DNAH11: variants seen among roughly 807,000 people sequenced by gnomAD.
DNAH11 encodes dynein axonemal heavy chain 11.
In DNAH11, 442 loss-of-function variants were observed where a neutral mutation model predicts 526.0. That is an observed-to-expected ratio of 0.84 (90% CI 0.78 to 0.91). The LOEUF (loss-of-function observed/expected upper bound fraction) is 0.91. Ranked by LOEUF, DNAH11 falls within the 40% of genes least tolerant of loss-of-function variation. The probability of loss-of-function intolerance (pLI) is 0.00; values close to 1 mark genes in which losing one functional copy is unlikely to be tolerated. For missense variants in DNAH11, 6,989 were observed against 5,448.7 expected (o/e 1.28, Z -8.90); for synonymous variants, 2,461 against 1,935.9 (o/e 1.27, Z -7.12).
chr7:21,696,933 A>T (rs1783877347), intron 35 of DNAH11, among the ~76,000 whole-genome samples: 1 of 152,204 alleles, frequency 6.6e-6, no homozygotes, highest in Non-Finnish European at 1.5e-5. Context: ...ATACATAGAT[A>T]TGCTAGTCTT....
intron 62 of DNAH11, among the ~76,000 whole-genome samples, chr7:21,803,519 G>C (rs770884691): frequency 6.6e-4 from 101 of 151,966 alleles, no homozygotes; most frequent in Non-Finnish European, 1.3e-3. Flanking sequence ...TGTTTTTCTG[G>C]AAATGTCTCT....
chr7:21,774,113 TAC>T (rs1787558239), intron 56 of DNAH11, 114 bp downstream of exon 56: 1 of 988,796 alleles, frequency 1.0e-6, no homozygotes, highest in Admixed American at 2.9e-5. Context: ...TGGTGAAATT[TAC>T]AGTTTCATGA....
chr7:21,900,762 TA>T, intron 81 of DNAH11: 1 of 394,310 alleles, frequency 2.5e-6, no homozygotes. Flanking sequence ...TCCCATTTCA[TA>T]AAATCAGCTT....
In DNAH11 at chr7:21,873,235, C is replaced by T. The variant is rs772235221; in HGVS notation, c.11968-39C>T. On this transcript the variant is annotated intron_variant, in intron 73 of 81. Transcript: ENST00000409508. ...TAATCTTATAATTCAAGTAATATGC[C>T]TCACCTTCACAGGAATTATGCACCA... 13 of 1,456,818 alleles carry T rather than the reference C, an allele frequency of 8.9e-6. No homozygotes were observed. In the South Asian group the frequency reaches 1.6e-4, roughly 18 times the overall value. 90.2% of individuals were successfully genotyped at this position (1,456,818 alleles called of 1,614,324 possible).
intron 20 of DNAH11, among the ~76,000 whole-genome samples, chr7:21,607,965 T>A (rs1785367478): frequency 6.8e-6 from 1 of 147,434 alleles, no homozygotes; most frequent in Admixed American, 6.8e-5. Flanking sequence ...AAAAAAGGCT[T>A]GTATAATTAA....
chr7:21,559,564 A>T (rs746865163), intron 3 of DNAH11, 39 bp from the exon 4 acceptor site: 1 of 1,473,612 alleles, frequency 6.8e-7, no homozygotes, highest in Non-Finnish European at 9.2e-7. Context: ...GGATAAAATG[A>T]TTCATCTTTG....
At chr7:21,856,091 G>A (rs1215007730) in intron 68 of DNAH11, among the ~76,000 whole-genome samples, 1 of 152,162 alleles carries the variant, frequency 6.6e-6, no homozygotes. Context: ...TGGCTGCAGG[G>A]TAATGAGCAA....
At chr7:21,874,291 A>C (rs532740976) in intron 74 of DNAH11, among the ~76,000 whole-genome samples, 1 of 151,448 alleles carries the variant, frequency 6.6e-6, no homozygotes, top group East Asian at 1.9e-4. Flanking sequence ...TTATATGTTC[A>C]TGTTTTTCCA....
At chr7:21,844,923 G>C (rs557148840) in intron 66 of DNAH11, among the ~76,000 whole-genome samples, 1 of 152,326 alleles carries the variant, frequency 6.6e-6, no homozygotes, top group Non-Finnish European at 1.5e-5. Context: ...ACATTCAGTG[G>C]AACTGCAACA....
intron 28 of DNAH11, among the ~76,000 whole-genome samples, chr7:21,652,488 T>C (rs1781823757): frequency 6.6e-6 from 1 of 152,250 alleles, no homozygotes. Flanking sequence ...TTAAGTTTTC[T>C]GCAACGAAGA....
At chr7:21,894,853 T>C in intron 78 of DNAH11, 31 bp from the exon 79 acceptor site, 1 of 1,613,134 alleles carries the variant, frequency 6.2e-7, no homozygotes, top group South Asian at 1.1e-5. Flanking sequence ...TTGGAAGATA[T>C]TCACTGTGTG....
chr7:21,891,938 T>C (rs901277696), intron 76 of DNAH11, among the ~76,000 whole-genome samples: 1 of 152,204 alleles, frequency 6.6e-6, no homozygotes, highest in Non-Finnish European at 1.5e-5. Context: ...TATAAAATGA[T>C]GTGATGCAGT....
chr7:21,887,932 A>G (rs1250248258), intron 76 of DNAH11, among the ~76,000 whole-genome samples: 1 of 152,194 alleles, frequency 6.6e-6, no homozygotes, highest in South Asian at 2.1e-4. Flanking sequence ...CTTTCTCTGC[A>G]CCATACTGCC....
chr7:21,671,712 C>T (rs545140124), intron 30 of DNAH11, among the ~76,000 whole-genome samples: 4 of 151,930 alleles, frequency 2.6e-5, no homozygotes, highest in African/African-American at 9.7e-5. Context: ...TTAATTTGTT[C>T]CTCTTTTTCA....
chr7:21,571,148 G>A (rs555867493), intron 7 of DNAH11, among the ~76,000 whole-genome samples: 8 of 152,246 alleles, frequency 5.3e-5, no homozygotes, highest in African/African-American at 1.7e-4. Flanking sequence ...ACTCACTGCC[G>A]GGTATGGGGT....
intron 81 of DNAH11, among the ~76,000 whole-genome samples, chr7:21,900,625 T>C (rs1784754400): frequency 6.6e-6 from 1 of 152,186 alleles, no homozygotes; most frequent in African/African-American, 2.4e-5. Flanking sequence ...ATGTTCCTTT[T>C]TCAGTTTAAA....
At chr7:21,874,831 T>A (rs1427862579) in intron 74 of DNAH11, among the ~76,000 whole-genome samples, 1 of 152,134 alleles carries the variant, frequency 6.6e-6, no homozygotes, top group Non-Finnish European at 1.5e-5. Context: ...TTCCTTCCTC[T>A]AATTTTTTGG....
At chr7:21,766,557 A>G (rs12531721) in intron 55 of DNAH11, among the ~76,000 whole-genome samples, 23,934 of 152,152 alleles carry the variant, frequency 0.16, 2,468 homozygotes, top group Non-Finnish European at 0.22. Flanking sequence ...CCCAAAAGGC[A>G]TAACTGCCAC....
At chr7:21,819,733 C>T (rs752314379) in intron 65 of DNAH11, among the ~76,000 whole-genome samples, 12 of 152,118 alleles carry the variant, frequency 7.9e-5, no homozygotes, top group Non-Finnish European at 1.3e-4. Context: ...AAATTTGAGT[C>T]ATGATTCTCA....
Sources: allele counts gnomAD v4.1 joint callset (sites outside exome capture counted in the v4.1 genomes callset), GRCh38; gene constraint gnomAD v4.1.1; transcripts MANE v1.5; gene names NCBI Gene and HGNC (gene_info 2026-07-23, HGNC 2026-07-21).